PLEKHG4B: variants seen among roughly 807,000 people sequenced by gnomAD.
PLEKHG4B encodes the protein pleckstrin homology and RhoGEF domain containing G4B.
PLEKHG4B carries 111 observed loss-of-function variants against 121.3 expected under a neutral mutation model. The observed-to-expected ratio is 0.92, with a 90% CI of 0.78 to 1.07. PLEKHG4B has a LOEUF of 1.07. PLEKHG4B is among the 50% of genes least tolerant of loss of function. The probability of loss-of-function intolerance (pLI) is 0.00; values close to 1 mark genes in which losing one functional copy is unlikely to be tolerated. For missense variants in PLEKHG4B, 1,831 were observed against 1,757.8 expected (o/e 1.04, Z -0.74); for synonymous variants, 738 against 725.0 (o/e 1.02, Z -0.29).
chr5:109,586 T>G (rs920955120), intron 1 of PLEKHG4B, among the ~76,000 whole-genome samples: 1 of 152,084 alleles, frequency 6.6e-6, no homozygotes, highest in African/African-American at 2.4e-5. Flanking sequence ...CTGGGCTGTG[T>G]CCCCTGTGGG....
chr5:127,999 C>G (rs1292374145), intron 2 of PLEKHG4B, among the ~76,000 whole-genome samples: 1 of 152,086 alleles, frequency 6.6e-6, no homozygotes, highest in African/African-American at 2.4e-5. Context: ...TTCTAAAGAC[C>G]TGGGGTCAAT....
rs1361454517 is a variant in PLEKHG4B, at chr5:159,763, A to G, written c.2488-2020A>G. Among the ~76,000 whole-genome samples, 1 of 152,096 alleles carries G rather than the reference A, an allele frequency of 6.6e-6. No homozygotes were observed. Among genetic ancestry groups the G allele is most frequent in the East Asian group, 1.9e-4 (1 of 5,188 alleles). Reference sequence around the variant, plus strand: ...TGAAAGGAGAGCCTGGCCGTAGCTCAGTGTTCACCTGCCAGGGAACAGACC... The same window carrying G: ...TGAAAGGAGAGCCTGGCCGTAGCTCGGTGTTCACCTGCCAGGGAACAGACC... On this transcript the variant is annotated intron_variant, in intron 11 of 19. Transcript: ENST00000637938. The surrounding 1 kb of genome is among the most constrained non-coding windows in gnomAD (Gnocchi z 5.5).
intron 2 of PLEKHG4B, among the ~76,000 whole-genome samples, chr5:116,031 C>G (rs1301885473): frequency 6.6e-6 from 1 of 152,188 alleles, no homozygotes; most frequent in Non-Finnish European, 1.5e-5. Context: ...TTTGGCCTGG[C>G]TGGGGCATTC....
chr5:93,568 A>T (rs1197569173), intron 1 of PLEKHG4B, among the ~76,000 whole-genome samples: 2 of 151,978 alleles, frequency 1.3e-5, no homozygotes, highest in African/African-American at 4.8e-5. Context: ...GCAAATGCAG[A>T]TGTGGCCTGG....
At chr5:103,219 C>T (rs907409920) in intron 1 of PLEKHG4B, among the ~76,000 whole-genome samples, 1 of 152,326 alleles carries the variant, frequency 6.6e-6, no homozygotes, top group Middle Eastern at 3.4e-3. Flanking sequence ...TCGCTCCCAC[C>T]AGGTGCATCC....
chr5:124,962 G>A lies in PLEKHG4B; in HGVS notation c.243+11514G>A, dbSNP rs113499655. ...AGCCTGGCCAACATGGTGAAACCCC[G>A]TCTCTACTAAAAATACAAAAATTAG... On this transcript the variant is annotated intron_variant, in intron 2 of 19. Coordinates refer to ENST00000637938, the MANE Select transcript of PLEKHG4B (RefSeq NM_052909.5). 4.9e-3 allele frequency among the ~76,000 whole-genome samples: 745 copies of A among 152,132 alleles called. 2 individuals carry two copies. The highest frequency in any genetic ancestry group is 0.016 in the African/African-American group (683 of 41,516).
At chr5:127,025 G>C (rs1356111763) in intron 2 of PLEKHG4B, among the ~76,000 whole-genome samples, 1 of 152,082 alleles carries the variant, frequency 6.6e-6, no homozygotes, top group Non-Finnish European at 1.5e-5. Flanking sequence ...TTTCCACTTG[G>C]CCAGCGCCAT....
intron 13 of PLEKHG4B, among the ~76,000 whole-genome samples, chr5:164,823 C>CG (rs1736227771): frequency 1.8e-5 from 2 of 108,636 alleles, no homozygotes; most frequent in South Asian, 6.5e-4. Context: ...AATGCTGTGA[C>CG]GGAGCGGAGC....
At chr5:124,679 A>G (rs1341154136) in intron 2 of PLEKHG4B, among the ~76,000 whole-genome samples, 1 of 152,148 alleles carries the variant, frequency 6.6e-6, no homozygotes, top group East Asian at 1.9e-4. Flanking sequence ...TTTAATGTCT[A>G]TTTTATCTGA....
intron 2 of PLEKHG4B, among the ~76,000 whole-genome samples, chr5:121,335 A>G (rs1734464103): frequency 6.6e-6 from 1 of 152,224 alleles, no homozygotes; most frequent in Admixed American, 6.5e-5. Context: ...ATTAATGCAG[A>G]TTGGACACAA....
At chr5:155,487 T>C (rs529850187) in intron 9 of PLEKHG4B, 44 bp downstream of exon 9, 2 of 1,469,978 alleles carry the variant, frequency 1.4e-6, no homozygotes, top group African/African-American at 2.8e-5. Flanking sequence ...ATGTGACAGG[T>C]AGGTGGGGGC....
At position 182,589 on chromosome 5, in the gene PLEKHG4B, C is replaced by T. The variant is rs974811985; in HGVS notation, c.*266C>T. On this transcript the variant is annotated 3_prime_UTR_variant, in exon 20 of 20. Coordinates refer to ENST00000637938, the MANE Select transcript of PLEKHG4B (RefSeq NM_052909.5). ...CATAGGAAACAGACCTAAAACAAGA[C>T]AAAAAAAGACTAAACATGAAACAAA... 1 of 445,436 alleles carries T rather than the reference C, an allele frequency of 2.2e-6. No homozygotes were observed. The highest frequency in any genetic ancestry group is 4.5e-5 in the South Asian group (1 of 22,420). The allele number at this position is 445,436 out of a possible 1,614,324, so 27.6% of individuals were successfully genotyped here. A position where few individuals can be genotyped will look rare whatever the true frequency, so the allele number is the denominator to read the frequency against.
chr5:175,943 G>A (rs1413403227), intron 18 of PLEKHG4B, among the ~76,000 whole-genome samples: 3 of 71,534 alleles, frequency 4.2e-5, no homozygotes, highest in African/African-American at 7.1e-5. Context: ...GCTCCTGCAC[G>A]GCTGCACCCC....
chr5:121,923 G>A (rs578175033), intron 2 of PLEKHG4B, among the ~76,000 whole-genome samples: 1 of 151,946 alleles, frequency 6.6e-6, no homozygotes, highest in Non-Finnish European at 1.5e-5. Context: ...AAATACGTGA[G>A]TAAATATGAA....
rs576748676 is a variant in PLEKHG4B, at chr5:113,277, C to A, written c.72C>A (p.Ile24=). 1 of 399,098 alleles carries A rather than the reference C, an allele frequency of 2.5e-6. No individual in the cohort carries two copies. Among genetic ancestry groups the A allele is most frequent in the African/African-American group, 2.1e-5 (1 of 48,738 alleles). 24.7% of individuals were successfully genotyped at this position (399,098 alleles called of 1,614,324 possible). A position where few individuals can be genotyped will look rare whatever the true frequency, so the allele number is the denominator to read the frequency against. ...ATCTGGAATCTCTTGATGCCTGTATCCAGAGGACGCTCTCTGCCTTGTACC... is the reference window on the plus strand; with the variant it reads ...ATCTGGAATCTCTTGATGCCTGTATACAGAGGACGCTCTCTGCCTTGTACC... ...ARDLESLDAC[I]QRTLSALYPP... The change falls in exon 2 of 20, where the codon ATC becomes ATA. Residue 24 remains isoleucine, a synonymous_variant. Transcript: ENST00000637938. The surrounding 1 kb of genome is among the most constrained non-coding windows in gnomAD (Gnocchi z 5.2).
chr5:101,254 G>GGA (rs202212152), intron 1 of PLEKHG4B, among the ~76,000 whole-genome samples: 37 of 120,414 alleles, frequency 3.1e-4, no homozygotes, highest in South Asian at 4.8e-4. Context: ...AGTCTGTAGG[G>GGA]GAGACTGTTG....
At chr5:120,932 C>G (rs973586517) in intron 2 of PLEKHG4B, among the ~76,000 whole-genome samples, 4 of 152,062 alleles carry the variant, frequency 2.6e-5, no homozygotes, top group African/African-American at 9.7e-5. Context: ...TGGAGAGTTT[C>G]AGATTTCGAA....
chr5:158,675 C>G (rs1735885821), intron 11 of PLEKHG4B, among the ~76,000 whole-genome samples: 1 of 149,410 alleles, frequency 6.7e-6, no homozygotes, highest in African/African-American at 2.5e-5. Flanking sequence ...TCTCCCCCAT[C>G]TCCCCTTCCT....
chr5:125,006 G>A (rs756829820), intron 2 of PLEKHG4B, among the ~76,000 whole-genome samples: 5 of 152,030 alleles, frequency 3.3e-5, no homozygotes, highest in Non-Finnish European at 5.9e-5. Context: ...GGAGGCGTGC[G>A]ACTGTAATCC....
Sources: gnomAD v4.1 joint callset for allele counts (sites outside exome capture counted in the v4.1 genomes callset) on GRCh38, gnomAD v4.1.1 for gene constraint, Gnocchi (gnomAD v3.1) non-coding constraint, MANE v1.5 for transcripts, NCBI Gene and HGNC (gene_info 2026-07-23, HGNC 2026-07-21) for gene names.